The following TMEM9B variants were observed in gnomAD, a reference collection of about 807,000 sequenced individuals.
TMEM9B encodes the protein TMEM9 domain family member B, also known as transmembrane protein 9B.
Under a neutral mutation model 23.5 loss-of-function variants are expected in TMEM9B, and 8 were observed. The observed-to-expected ratio is 0.34, with a 90% CI of 0.20 to 0.61. TMEM9B has a LOEUF of 0.61. Ranked by LOEUF, TMEM9B falls within the 20% of genes least tolerant of loss-of-function variation. The pLI is 0.78. For missense variants in TMEM9B, 197 were observed against 252.3 expected, an observed-to-expected ratio of 0.78 and a Z score of 1.49; for synonymous variants, 106 against 96.3, an observed-to-expected ratio of 1.10 and a Z score of -0.59.
At chr11:8,953,122 T>C (rs750344386) in intron 4 of TMEM9B, 81 bp downstream of exon 4, 1 of 1,552,814 alleles carries the variant, frequency 6.4e-7, no homozygotes, top group South Asian at 1.1e-5. Flanking sequence ...AACATCTATA[T>C]ATGACTATTT....
intron 4 of TMEM9B, chr11:8,952,977 A>C: frequency 3.2e-6 from 2 of 629,346 alleles, no homozygotes; most frequent in Non-Finnish European, 5.7e-6. Flanking sequence ...AAGGCCCTGT[A>C]TAGCATGCTC....
chr11:8,948,944 C>G (rs756258087), intron 4 of TMEM9B, among the ~76,000 whole-genome samples: 1 of 152,152 alleles, frequency 6.6e-6, no homozygotes, highest in Non-Finnish European at 1.5e-5. Context: ...TTCCTGTCTC[C>G]ATTAGAATTG....
chr11:8,958,281 T>C lies in TMEM9B; in HGVS notation c.198-1983A>G, dbSNP rs1197445413. On this transcript the variant is annotated intron_variant, in intron 2 of 4. Coordinates refer to ENST00000534025, the MANE Select transcript of TMEM9B (RefSeq NM_020644.3). ...TTCAAGACCTGCCTGACCAACAGGGTGAAACCCCATTTCTACTAAAAATAC... is the reference window on the plus strand; with the variant it reads ...TTCAAGACCTGCCTGACCAACAGGGCGAAACCCCATTTCTACTAAAAATAC... Among the ~76,000 whole-genome samples the C allele has an allele frequency of 2.7e-5, 4 of 147,076 alleles. No homozygotes were observed. In the East Asian group the frequency reaches 8.2e-4, roughly 30 times the overall value.
At chr11:8,960,134 TTC>T (rs941226858) in intron 2 of TMEM9B, among the ~76,000 whole-genome samples, 4 of 134,932 alleles carry the variant, frequency 3.0e-5, no homozygotes, top group Admixed American at 9.6e-5. Context: ...TTTTCTTTGT[TTC>T]TGTTTTTTTT....
Position 8,964,234 on chromosome 11 carries a change from A to T in TMEM9B, c.80T>A (p.Leu27Gln). Residue 27 changes from leucine to glutamine, a missense_variant, in exon 1 of 5, where the codon CTG becomes CAG. Coordinates refer to ENST00000534025, the MANE Select transcript of TMEM9B (RefSeq NM_020644.3). ...LSCLALSVLL[L>Q]AQLSDAAKNF... ...CTTGGCGGCGTCTGACAGCTGCGCC[A>T]GCAGCAGCACGGAAAGCGCCAGGCA... is the stretch of plus-strand genomic sequence containing the variant. The T allele has an allele frequency of 6.3e-7, 1 of 1,591,164 alleles. No homozygotes were observed. The highest frequency in any genetic ancestry group is 8.5e-7 in the Non-Finnish European group (1 of 1,169,740).
intron 2 of TMEM9B, among the ~76,000 whole-genome samples, chr11:8,958,028 G>A (rs1854004070): frequency 6.6e-6 from 1 of 151,636 alleles, no homozygotes; most frequent in Admixed American, 6.6e-5. Flanking sequence ...GCATGGTGGT[G>A]CATGCCTGTA....
At chr11:8,950,219 A>T (rs1853850315) in intron 4 of TMEM9B, among the ~76,000 whole-genome samples, 2 of 152,188 alleles carry the variant, frequency 1.3e-5, no homozygotes, top group Admixed American at 1.3e-4. Flanking sequence ...AAGGTCATTT[A>T]ACAAATTAGC....
chr11:8,952,335 T>A (rs1323150340), intron 4 of TMEM9B, among the ~76,000 whole-genome samples: 1 of 151,242 alleles, frequency 6.6e-6, no homozygotes, highest in African/African-American at 2.4e-5. Flanking sequence ...TGTGTGTGTG[T>A]GTGAGAGATT....
At chr11:8,958,159 CAAAAA>C (rs33947563) in intron 2 of TMEM9B, among the ~76,000 whole-genome samples, 2 of 57,362 alleles carry the variant, frequency 3.5e-5, no homozygotes. Flanking sequence ...AACTCCGTCT[CAAAAA>C]AAAAAAAAAA....
At chr11:8,962,518 T>C (rs1216954350) in intron 1 of TMEM9B, among the ~76,000 whole-genome samples, 1 of 152,224 alleles carries the variant, frequency 6.6e-6, no homozygotes, top group African/African-American at 2.4e-5. Context: ...AGCAGATAGT[T>C]GTGCCTGTAA....
chr11:8,951,752 C>A (rs4910200), intron 4 of TMEM9B, among the ~76,000 whole-genome samples: 48,641 of 144,440 alleles, frequency 0.34, 9,710 homozygotes, highest in Non-Finnish European at 0.44. Context: ...AGCGAGACTG[C>A]GTCTCAAAAA....
intron 4 of TMEM9B, among the ~76,000 whole-genome samples, chr11:8,951,288 C>G (rs1248284164): frequency 6.6e-6 from 1 of 152,116 alleles, no homozygotes; most frequent in Non-Finnish European, 1.5e-5. Context: ...ACGAGCCATT[C>G]CAGGGTAAAA....
At chr11:8,964,174 A>G in intron 1 of TMEM9B, 35 bp downstream of exon 1, 1 of 1,545,526 alleles carries the variant, frequency 6.5e-7, no homozygotes, top group African/African-American at 1.4e-5. Flanking sequence ...GTAGGGGAGG[A>G]GCTTCCGTCA....
rs190760085 is a variant in TMEM9B at position 8,964,008 on chromosome 11, C to A, written c.105+201G>T. The A allele has an allele frequency of 8.7e-4, 497 of 569,932 alleles. 5 individuals are homozygous for A. The African/African-American group carries it at 9.3e-3, about 11-fold the overall frequency. 35.3% of individuals were successfully genotyped at this position (569,932 alleles called of 1,614,324 possible). A position where few individuals can be genotyped will look rare whatever the true frequency, so the allele number is the denominator to read the frequency against. On this transcript the variant is annotated intron_variant, in intron 1 of 4. Coordinates refer to ENST00000534025, the MANE Select transcript of TMEM9B (RefSeq NM_020644.3). ...GGGACGACCGTGGGGCGCTGCCTGC[C>A]AGGCTGTCGGGGCTGAGGGCGAGAG... is the stretch of plus-strand genomic sequence containing the variant.
At chr11:8,951,752 C>T (rs4910200) in intron 4 of TMEM9B, among the ~76,000 whole-genome samples, 3 of 144,538 alleles carry the variant, frequency 2.1e-5, no homozygotes, top group Admixed American at 6.9e-5. Context: ...AGCGAGACTG[C>T]GTCTCAAAAA....
rs1256565363 is a variant in TMEM9B, at chr11:8,964,230, C to T, written c.84G>A (p.Ala28=). The T allele has an allele frequency of 8.8e-6, 14 of 1,587,888 alleles. No homozygotes were observed. Among genetic ancestry groups the T allele is most frequent in the South Asian group, 4.6e-5 (4 of 87,182 alleles). Residue 28 remains alanine (A), a synonymous_variant, in exon 1 of 5, where the codon GCG becomes GCA. Coordinates refer to ENST00000534025, the MANE Select transcript of TMEM9B (RefSeq NM_020644.3). ...TCACCTTGGCGGCGTCTGACAGCTG[C>T]GCCAGCAGCAGCACGGAAAGCGCCA... ...SCLALSVLLL[A]QLSDAAKNFE...
intron 4 of TMEM9B, among the ~76,000 whole-genome samples, chr11:8,952,077 C>G (rs1395482733): frequency 1.3e-5 from 2 of 152,110 alleles, no homozygotes; most frequent in African/African-American, 4.8e-5. Context: ...CCACTGCACT[C>G]CAGCATGGGC....
chr11:8,964,436 TC>T lies in TMEM9B; in HGVS notation c.-124del. The T allele has an allele frequency of 7.0e-7, 1 of 1,431,218 alleles. No homozygotes were observed. Among genetic ancestry groups the T allele is most frequent in the African/African-American group, 1.5e-5 (1 of 67,466 alleles). 88.7% of individuals were successfully genotyped at this position (1,431,218 alleles called of 1,614,324 possible). A position where few individuals can be genotyped will look rare whatever the true frequency, so the allele number is the denominator to read the frequency against. On this transcript the variant is annotated 5_prime_UTR_variant, in exon 1 of 5. Transcript: ENST00000534025. ...CGGCTGGGGATCCTCCGCCCGCACT[TC>T]CGTCTGGACGCGAAGGCGTCACCGG...
intron 1 of TMEM9B, 98 bp downstream of exon 1, chr11:8,964,111 T>C (rs1234184037): frequency 8.1e-7 from 1 of 1,233,168 alleles, no homozygotes; most frequent in Admixed American, 2.3e-5. Context: ...CGTATGGCTG[T>C]CAGGAATGGG....
Sources: allele counts gnomAD v4.1 joint callset (sites outside exome capture counted in the v4.1 genomes callset), GRCh38; gene constraint gnomAD v4.1.1; transcripts MANE v1.5; gene names NCBI Gene and HGNC (gene_info 2026-07-23, HGNC 2026-07-21).